Variants in CDH13 observed in about 807,000 individuals in gnomAD.
CDH13 encodes the protein cadherin-13.
Under a neutral mutation model 63.8 loss-of-function variants are expected in CDH13, and 24 were observed. The observed-to-expected ratio is 0.38, with a 90% CI of 0.27 to 0.53. The LOEUF is 0.53. Among genes scored for constraint, CDH13 ranks in the 20% least tolerant of loss-of-function variants. The pLI is 0.85. For missense variants in CDH13, 1,049 were observed against 903.1 expected, an observed-to-expected ratio of 1.16 and a Z score of -2.07; for synonymous variants, 503 against 355.3, an observed-to-expected ratio of 1.42 and a Z score of -4.67.
chr16:83,595,353 C>G (rs1160807306), intron 7 of CDH13, among the ~76,000 whole-genome samples: 1 of 152,186 alleles, frequency 6.6e-6, no homozygotes, highest in Non-Finnish European at 1.5e-5. Context: ...AAATCGCCCA[C>G]CTTGTGTGCT....
chr16:82,790,890 T>G (rs1301073159), intron 1 of CDH13, among the ~76,000 whole-genome samples: 1 of 152,180 alleles, frequency 6.6e-6, no homozygotes, highest in African/African-American at 2.4e-5. Flanking sequence ...TCCCTTGACA[T>G]ATGTGGATTG....
chr16:82,804,543 G>A (rs1169711291), intron 1 of CDH13, among the ~76,000 whole-genome samples: 2 of 152,114 alleles, frequency 1.3e-5, no homozygotes. Context: ...CATGGATTCG[G>A]ATCCTAGTTC....
intron 2 of CDH13, among the ~76,000 whole-genome samples, chr16:82,950,689 CTAATACAGGATACCAG>C (rs1287073487): frequency 6.6e-6 from 1 of 152,000 alleles, no homozygotes; most frequent in Non-Finnish European, 1.5e-5. Context: ...TGAAAATGGA[CTAATACAGGATACCAG>C]TGATACTGGA....
intron 6 of CDH13, among the ~76,000 whole-genome samples, chr16:83,395,805 C>G (rs939296176): frequency 2.0e-5 from 3 of 151,886 alleles, no homozygotes; most frequent in African/African-American, 4.8e-5. Flanking sequence ...TTTTTTTTAA[C>G]TTTTAAGTTG....
At chr16:82,833,187 A>G (rs972289127) in intron 1 of CDH13, among the ~76,000 whole-genome samples, 1 of 152,180 alleles carries the variant, frequency 6.6e-6, no homozygotes, top group Non-Finnish European at 1.5e-5. Flanking sequence ...AATGTTTCGG[A>G]TATTCAGGGT....
intron 3 of CDH13, among the ~76,000 whole-genome samples, chr16:83,094,204 C>T (rs1299434485): frequency 1.3e-5 from 2 of 152,140 alleles, no homozygotes; most frequent in Non-Finnish European, 2.9e-5. Context: ...GCCAACAACG[C>T]CTGGTCTGTG....
intron 4 of CDH13, among the ~76,000 whole-genome samples, chr16:83,175,537 C>A (rs72800282): frequency 1.3e-5 from 2 of 151,866 alleles, no homozygotes; most frequent in African/African-American, 2.4e-5. Context: ...GAATCAGAGC[C>A]TCCAGTTTGC....
chr16:83,078,051 A>G (rs950958930), intron 3 of CDH13, among the ~76,000 whole-genome samples: 22 of 152,092 alleles, frequency 1.4e-4, no homozygotes, highest in African/African-American at 5.1e-4. Context: ...CTAAAGTCAA[A>G]CTTGCATCCT....
At chr16:83,170,856 G>A (rs1215134076) in intron 4 of CDH13, among the ~76,000 whole-genome samples, 1 of 151,972 alleles carries the variant, frequency 6.6e-6, no homozygotes, top group African/African-American at 2.4e-5. Context: ...CTTCTAACTA[G>A]TTTTCCAAAA....
intron 1 of CDH13, among the ~76,000 whole-genome samples, chr16:82,630,021 T>C (rs942691324): frequency 3.9e-5 from 6 of 152,214 alleles, no homozygotes; most frequent in African/African-American, 1.4e-4. Flanking sequence ...TGGGAGTGAC[T>C]GAAAATGTTC....
intron 1 of CDH13, among the ~76,000 whole-genome samples, chr16:82,752,234 T>A (rs530407826): frequency 3.0e-4 from 46 of 152,296 alleles, no homozygotes; most frequent in African/African-American, 1.1e-3. Flanking sequence ...ATGAATAGAA[T>A]AATAATCGGA....
intron 8 of CDH13, among the ~76,000 whole-genome samples, chr16:83,657,787 C>T (rs1412433801): frequency 2.6e-5 from 4 of 152,316 alleles, no homozygotes; most frequent in Admixed American, 6.5e-5. Context: ...ACATTCCCTG[C>T]CAGTGGCATC....
At chr16:83,581,313 A>G (rs536127776) in intron 7 of CDH13, among the ~76,000 whole-genome samples, 52 of 152,334 alleles carry the variant, frequency 3.4e-4, no homozygotes, top group Non-Finnish European at 5.9e-4. Context: ...ACATTGATAG[A>G]ATGTCAGAAA....
intron 10 of CDH13, among the ~76,000 whole-genome samples, chr16:83,696,152 C>A (rs889605552): frequency 3.3e-5 from 5 of 152,140 alleles, no homozygotes; most frequent in African/African-American, 1.2e-4. Context: ...CTGCCTCCCA[C>A]AGTGCTGGGA....
At chr16:82,923,879 C>T (rs1391175846) in intron 2 of CDH13, among the ~76,000 whole-genome samples, 1 of 152,156 alleles carries the variant, frequency 6.6e-6, no homozygotes, top group Non-Finnish European at 1.5e-5. Flanking sequence ...GAATTGGGAT[C>T]CTGGTTCTGC....
intron 8 of CDH13, among the ~76,000 whole-genome samples, chr16:83,630,906 G>C (rs1215813496): frequency 6.6e-6 from 1 of 152,164 alleles, no homozygotes; most frequent in African/African-American, 2.4e-5. Flanking sequence ...TTTCCCTTTA[G>C]CTTAGTAATT....
intron 6 of CDH13, among the ~76,000 whole-genome samples, chr16:83,399,125 A>C (rs1248411544): frequency 6.6e-6 from 1 of 152,232 alleles, no homozygotes; most frequent in Non-Finnish European, 1.5e-5. Flanking sequence ...GTTTCAATAG[A>C]TGGTTTGTTT....
rs1325327747 is a variant in CDH13 at position 83,047,755 on chromosome 16, G to T, written c.366+15537G>T. Among the ~76,000 whole-genome samples the T allele has an allele frequency of 6.6e-6, 1 of 152,190 alleles. No individual in the cohort carries two copies. The highest frequency in any genetic ancestry group is 1.5e-5 in the Non-Finnish European group (1 of 68,036). On this transcript the variant is annotated intron_variant, in intron 3 of 13. Transcript: ENST00000567109. The surrounding 1 kb of genome is among the most constrained non-coding windows in gnomAD (Gnocchi z 4.9). Reference sequence around the variant, plus strand: ...AATGAATATTGATATTAATAATGCAGATCGTAGTCAATTTATTTAGCTCAA... The same window carrying T: ...AATGAATATTGATATTAATAATGCATATCGTAGTCAATTTATTTAGCTCAA...
At chr16:82,867,229 G>T (rs550520556) in intron 2 of CDH13, among the ~76,000 whole-genome samples, 1 of 152,256 alleles carries the variant, frequency 6.6e-6, no homozygotes, top group East Asian at 1.9e-4. Flanking sequence ...TTTGAACCCA[G>T]GATTTTAGGG....
Sources: gnomAD v4.1 joint callset for allele counts (sites outside exome capture counted in the v4.1 genomes callset) on GRCh38, gnomAD v4.1.1 for gene constraint, Gnocchi (gnomAD v3.1) non-coding constraint, MANE v1.5 for transcripts, NCBI Gene and HGNC (gene_info 2026-07-23, HGNC 2026-07-21) for gene names.